Variants in GOLGA8A observed in about 807,000 individuals in gnomAD.
GOLGA8A encodes golgin A8 family member A, also known as golgin subfamily A member 8A.
GOLGA8A carries 3 observed loss-of-function variants against 22.1 expected under a neutral mutation model. The observed-to-expected ratio is 0.14, with a 90% CI of 0.06 to 0.35. The LOEUF (loss-of-function observed/expected upper bound fraction) is 0.35. Ranked by LOEUF, GOLGA8A falls within the 10% of genes least tolerant of loss-of-function variation. The pLI, the probability that GOLGA8A is intolerant of heterozygous loss-of-function variation, is 1.00. For synonymous variants in GOLGA8A, 7 were observed against 91.7 expected (o/e 0.08, Z 5.28); for missense variants, 16 against 233.2 (o/e 0.07, Z 6.07).
At position 34,380,444 on chromosome 15, in the gene GOLGA8A, C is replaced by T. The variant is rs1046788197; in HGVS notation, c.*967G>A. The T allele has an allele frequency of 2.0e-5, 3 of 152,220 alleles. No homozygotes were observed. Among genetic ancestry groups the T allele is most frequent in the Non-Finnish European group, 2.9e-5 (2 of 68,044 alleles). The allele number at this position is 152,220 out of a possible 1,614,324, so 9.4% of individuals were successfully genotyped here. On this transcript the variant is annotated 3_prime_UTR_variant, in exon 25 of 25. Coordinates refer to ENST00000359187, the MANE Select transcript of GOLGA8A (RefSeq NM_181077.5). The stretch of plus-strand genomic sequence containing the variant: ...AGAAGAATGCCAACCAGCGCCCTTT[C>T]GTGTACTGGGACAGGTAGTCATGTG...
rs1891431734 is a variant in GOLGA8A, at chr15:34,380,555, G to A, written c.*856C>T. ...CTAGGAAAGGTTTTTCACACCCACA[G>A]CCAATGATGGCAGCCTTTCATTCCT... On this transcript the variant is annotated 3_prime_UTR_variant, in exon 25 of 25. Transcript: ENST00000359187. 1 of 152,270 alleles carries A rather than the reference G, an allele frequency of 6.6e-6. No homozygotes were observed. Among genetic ancestry groups the A allele is most frequent in the Non-Finnish European group, 1.5e-5 (1 of 68,080 alleles). 9.4% of individuals were successfully genotyped at this position (152,270 alleles called of 1,614,324 possible).
rs1426995847 is a variant in GOLGA8A at position 34,414,794 on chromosome 15, T to C, written c.-1122-7059A>G. ...GGCTGTAAGCGGCGGAGCTTCCACC[T>C]TCCCTACAAACGGACCCAGAGTGGC... On this transcript the variant is annotated intron_variant, in intron 2 of 24. Coordinates refer to ENST00000359187, the MANE Select transcript of GOLGA8A (RefSeq NM_181077.5). 9.3e-5 allele frequency among the ~76,000 whole-genome samples: 7 copies of C among 75,498 alleles called. 2 individuals carry two copies. The highest frequency in any genetic ancestry group is 3.2e-4 in the African/African-American group (7 of 21,848). 49.5% of individuals were successfully genotyped at this position (75,498 alleles called of 152,430 possible).
At chr15:34,433,832 C>A (rs769522980) in intron 2 of GOLGA8A, among the ~76,000 whole-genome samples, 2 of 149,466 alleles carry the variant, frequency 1.3e-5, no homozygotes, top group Non-Finnish European at 3.0e-5. Context: ...AAATAACACA[C>A]TGAATGTTGA....
chr15:34,429,329 GGAA>G (rs1413708516), intron 2 of GOLGA8A, among the ~76,000 whole-genome samples: 1 of 146,028 alleles, frequency 6.8e-6, no homozygotes, highest in Non-Finnish European at 1.5e-5. Context: ...CTAATGGTCA[GGAA>G]CTGCCCCCCA....
chr15:34,436,286 G>A (rs78427469), intron 1 of GOLGA8A, among the ~76,000 whole-genome samples: 6,385 of 149,346 alleles, frequency 0.043, 821 homozygotes, highest in African/African-American at 0.15. Context: ...TCTGAAACAG[G>A]AAGGAAAATA....
intron 2 of GOLGA8A, among the ~76,000 whole-genome samples, chr15:34,427,329 A>T (rs200175977): frequency 0.14 from 11,887 of 85,948 alleles, 1,147 homozygotes; most frequent in South Asian, 0.4. Context: ...AGACTCCGTC[A>T]CAAAAAAAAA....
In GOLGA8A at chr15:34,437,531, C is replaced by T. The variant is rs1378054504; in HGVS notation, c.-1345G>A. ...CGCCGCGCCGCCGTCCTCGCCGCGC[C>T]GCCGTCCTCGCCGCGCCGCCGTCCT... On this transcript the variant is annotated 5_prime_UTR_variant, in exon 1 of 25. Transcript: ENST00000359187. 2.2e-3 allele frequency: 4 copies of T among 1,824 alleles called. No individual in the cohort carries two copies. Among genetic ancestry groups the T allele is most frequent in the Admixed American group, 3.7e-3 (1 of 270 alleles). The allele number at this position is 1,824 out of a possible 1,614,324, so 0.1% of individuals were successfully genotyped here.
intron 1 of GOLGA8A, among the ~76,000 whole-genome samples, 191 bp downstream of exon 1, chr15:34,437,207 G>A (rs1490202780): frequency 6.8e-6 from 1 of 146,986 alleles, no homozygotes; most frequent in African/African-American, 2.5e-5. Flanking sequence ...GAGGCGTAAG[G>A]CCGCCGGGCT....
At position 34,380,282 on chromosome 15, in the gene GOLGA8A, C is replaced by T. The variant is rs1891417008; in HGVS notation, c.*1129G>A. The T allele has an allele frequency of 6.6e-6, 1 of 152,158 alleles. No individual in the cohort carries two copies. Among genetic ancestry groups the T allele is most frequent in the Non-Finnish European group, 1.5e-5 (1 of 68,012 alleles). The allele number at this position is 152,158 out of a possible 1,614,324, so 9.4% of individuals were successfully genotyped here. A position where few individuals can be genotyped will look rare whatever the true frequency, so the allele number is the denominator to read the frequency against. The stretch of plus-strand genomic sequence containing the variant: ...AATCAAACTTCAAGCCTCAAAGAAG[C>T]TCCATGAACAGAGAGGAATGCCAGG... On this transcript the variant is annotated 3_prime_UTR_variant, in exon 25 of 25. Coordinates refer to ENST00000359187, the MANE Select transcript of GOLGA8A (RefSeq NM_181077.5).
intron 1 of GOLGA8A, among the ~76,000 whole-genome samples, chr15:34,436,001 A>C (rs1197795266): frequency 1.3e-5 from 2 of 148,956 alleles, no homozygotes; most frequent in Non-Finnish European, 1.5e-5. Context: ...GCTGTGGGGG[A>C]AGGCAGCCCC....
rs543532555 is a variant in GOLGA8A at position 34,435,917 on chromosome 15, G to T, written c.-1211-446C>A. Among the ~76,000 whole-genome samples, 5 of 149,154 alleles carry T rather than the reference G, an allele frequency of 3.4e-5. No homozygotes were observed. The East Asian group carries it at 9.8e-4, about 29-fold the overall frequency. ...CTGGACACTGCCCGGAGCCCCAGCA[G>T]GTTCCACGTGTCCTTGTCACCCCAG... is the stretch of plus-strand genomic sequence containing the variant. On this transcript the variant is annotated intron_variant, in intron 1 of 24. Coordinates refer to ENST00000359187, the MANE Select transcript of GOLGA8A (RefSeq NM_181077.5).
At chr15:34,426,566 C>T (rs1892991935) in intron 2 of GOLGA8A, among the ~76,000 whole-genome samples, 2 of 145,826 alleles carry the variant, frequency 1.4e-5, no homozygotes, top group South Asian at 4.7e-4. Flanking sequence ...ATTTGAATTT[C>T]ATAATCAGAA....
intron 4 of GOLGA8A, among the ~76,000 whole-genome samples, chr15:34,405,917 C>T (rs1892212530): frequency 7.3e-6 from 1 of 136,240 alleles, no homozygotes; most frequent in Non-Finnish European, 1.6e-5. Flanking sequence ...CAAAGTTGGC[C>T]AGCGGAGTGG....
chr15:34,436,700 G>A (rs116008123), intron 1 of GOLGA8A, among the ~76,000 whole-genome samples: 1 of 149,502 alleles, frequency 6.7e-6, no homozygotes, highest in Non-Finnish European at 1.5e-5. Context: ...CTTGGGGACC[G>A]GGGGCCTCGA....
In GOLGA8A at chr15:34,431,316, T is replaced by G. The variant is rs1181005472; in HGVS notation, c.-1123+4067A>C. ...TTATATATATATATATATATACATA[T>G]ATATATATATATATATATATATATA... On this transcript the variant is annotated intron_variant, in intron 2 of 24. Coordinates refer to ENST00000359187, the MANE Select transcript of GOLGA8A (RefSeq NM_181077.5). 5.2e-4 allele frequency among the ~76,000 whole-genome samples: 6 copies of G among 11,542 alleles called. No homozygotes were observed. In the Admixed American group the frequency reaches 6.7e-3, roughly 13 times the overall value. 7.6% of individuals were successfully genotyped at this position (11,542 alleles called of 152,430 possible). A position where few individuals can be genotyped will look rare whatever the true frequency, so the allele number is the denominator to read the frequency against.
intron 2 of GOLGA8A, chr15:34,417,990 A>G (rs1393264707): frequency 7.2e-6 from 1 of 138,428 alleles, no homozygotes; most frequent in East Asian, 2.3e-4. Flanking sequence ...CAGTATATAC[A>G]CATCGCTGAG....
At chr15:34,423,864 C>A (rs549831664) in intron 2 of GOLGA8A, among the ~76,000 whole-genome samples, 1 of 149,590 alleles carries the variant, frequency 6.7e-6, no homozygotes, top group South Asian at 2.1e-4. Flanking sequence ...CTCCCTACCC[C>A]CTCATCTGCC....
intron 2 of GOLGA8A, among the ~76,000 whole-genome samples, chr15:34,425,105 A>T (rs1429969412): frequency 2.1e-5 from 3 of 145,454 alleles, no homozygotes; most frequent in Non-Finnish European, 4.6e-5. Flanking sequence ...TAAAATAAAT[A>T]AAATAAGGCT....
rs1891355726 is a variant in GOLGA8A at position 34,379,241 on chromosome 15, T to G, written c.*2170A>C. On this transcript the variant is annotated 3_prime_UTR_variant, in exon 25 of 25. Coordinates refer to ENST00000359187, the MANE Select transcript of GOLGA8A (RefSeq NM_181077.5). Reference sequence around the variant, plus strand: ...GGCAAATAACGCTTTGGCCTGGAATTGGCATTTCTTTCTCTACTTTTCCTT... The same window carrying G: ...GGCAAATAACGCTTTGGCCTGGAATGGGCATTTCTTTCTCTACTTTTCCTT... 6.5e-6 allele frequency: 1 copy of G among 152,676 alleles called. No homozygotes were observed. Among genetic ancestry groups the G allele is most frequent in the Non-Finnish European group, 1.5e-5 (1 of 68,040 alleles). The allele number at this position is 152,676 out of a possible 1,614,324, so 9.5% of individuals were successfully genotyped here. A position where few individuals can be genotyped will look rare whatever the true frequency, so the allele number is the denominator to read the frequency against.
Sources: allele counts gnomAD v4.1 joint callset (sites outside exome capture counted in the v4.1 genomes callset), GRCh38; gene constraint gnomAD v4.1.1; transcripts MANE v1.5; gene names NCBI Gene and HGNC (gene_info 2026-07-23, HGNC 2026-07-21).